The following PLEKHA5 variants were observed in gnomAD, a reference collection of about 807,000 sequenced individuals.
PLEKHA5 encodes the protein pleckstrin homology domain-containing family A member 5.
Under a neutral mutation model 181.9 loss-of-function variants are expected in PLEKHA5, and 55 were observed. That is an observed-to-expected ratio of 0.30 (90% CI 0.24 to 0.38). PLEKHA5 has a LOEUF of 0.38. Ranked by LOEUF, PLEKHA5 falls within the 10% of genes least tolerant of loss-of-function variation. The pLI, the probability that PLEKHA5 is intolerant of heterozygous loss-of-function variation, is 1.00. For missense variants in PLEKHA5, 1,432 were observed against 1,549.5 expected (o/e 0.92, Z 1.27); for synonymous variants, 535 against 529.4 (o/e 1.01, Z -0.15).
chr12:19,215,701 A>T (rs1002791424), intron 3 of PLEKHA5, among the ~76,000 whole-genome samples: 1 of 152,224 alleles, frequency 6.6e-6, no homozygotes, highest in Non-Finnish European at 1.5e-5. Flanking sequence ...GCAAGTTTAA[A>T]AAAATTGTTC....
chr12:19,207,928 T>C (rs988499922), intron 3 of PLEKHA5, among the ~76,000 whole-genome samples: 2 of 152,186 alleles, frequency 1.3e-5, no homozygotes, highest in Admixed American at 1.3e-4. Context: ...TAAGTTAAAA[T>C]GGCATTTTTG....
At chr12:19,317,893 T>TACTTCGAATGA (rs1477927444) in intron 16 of PLEKHA5, among the ~76,000 whole-genome samples, 2 of 150,824 alleles carry the variant, frequency 1.3e-5, no homozygotes, top group Admixed American at 6.6e-5. Context: ...GTTGCTAAGG[T>TACTTCGAATGA]ACTTCGAATG....
chr12:19,315,662 G>A (rs373624763), intron 16 of PLEKHA5, among the ~76,000 whole-genome samples: 2 of 152,054 alleles, frequency 1.3e-5, no homozygotes, highest in South Asian at 2.1e-4. Flanking sequence ...AATTACTCTG[G>A]CGTATGACCT....
At chr12:19,185,717 C>T (rs2049690303) in intron 3 of PLEKHA5, among the ~76,000 whole-genome samples, 1 of 152,058 alleles carries the variant, frequency 6.6e-6, no homozygotes, top group Non-Finnish European at 1.5e-5. Flanking sequence ...TGAAGAATGC[C>T]TGTGTACTTA....
chr12:19,204,843 GT>G (rs2055041675), intron 3 of PLEKHA5, among the ~76,000 whole-genome samples: 1 of 152,074 alleles, frequency 6.6e-6, no homozygotes, highest in Non-Finnish European at 1.5e-5. Flanking sequence ...TTTTCAGATT[GT>G]TTTACTTGGT....
chr12:19,227,287 T>TA (rs1491298396), intron 3 of PLEKHA5, among the ~76,000 whole-genome samples: 1 of 125,156 alleles, frequency 8.0e-6, no homozygotes, highest in Non-Finnish European at 1.7e-5. Flanking sequence ...TAGTGATTTC[T>TA]TTTTTTTTTT....
intron 21 of PLEKHA5, among the ~76,000 whole-genome samples, chr12:19,338,507 T>A (rs1484308588): frequency 6.6e-6 from 1 of 151,882 alleles, no homozygotes; most frequent in Non-Finnish European, 1.5e-5. Flanking sequence ...CTTGGAAGGC[T>A]GAGGCAGGAG....
chr12:19,229,999 T>G (rs2060247009), intron 3 of PLEKHA5, among the ~76,000 whole-genome samples: 1 of 152,124 alleles, frequency 6.6e-6, no homozygotes, highest in Non-Finnish European at 1.5e-5. Context: ...GTATTTACAA[T>G]CCCTTAGGTA....
chr12:19,288,096 A>G (rs1439215077), intron 13 of PLEKHA5: 24 of 333,270 alleles, frequency 7.2e-5, no homozygotes, highest in South Asian at 8.1e-5. Context: ...AAAAAAAAAA[A>G]AGAAACTTTA....
intron 3 of PLEKHA5, among the ~76,000 whole-genome samples, chr12:19,205,054 A>T (rs1343744790): frequency 6.6e-6 from 1 of 152,136 alleles, no homozygotes; most frequent in Non-Finnish European, 1.5e-5. Context: ...GTTATTTAAT[A>T]AACTTGTAGA....
intron 20 of PLEKHA5, among the ~76,000 whole-genome samples, chr12:19,329,501 C>T (rs565998597): frequency 6.6e-6 from 1 of 152,156 alleles, no homozygotes; most frequent in South Asian, 2.1e-4. Flanking sequence ...ATTACAGATT[C>T]AATTTCAGAA....
chr12:19,320,287 A>AT (rs2090301405), intron 17 of PLEKHA5, among the ~76,000 whole-genome samples: 1 of 152,054 alleles, frequency 6.6e-6, no homozygotes, highest in Non-Finnish European at 1.5e-5. Flanking sequence ...GAAATGATGT[A>AT]AGATACTGTA....
chr12:19,140,373 G>C (rs1320132916), intron 3 of PLEKHA5, among the ~76,000 whole-genome samples: 1 of 152,176 alleles, frequency 6.6e-6, no homozygotes, highest in Non-Finnish European at 1.5e-5. Flanking sequence ...ACTGAAATCA[G>C]TGGGTCCAGT....
intron 18 of PLEKHA5, among the ~76,000 whole-genome samples, chr12:19,321,142 G>A (rs1323707408): frequency 6.6e-6 from 1 of 151,408 alleles, no homozygotes; most frequent in African/African-American, 2.4e-5. Context: ...CTCTAGCCTG[G>A]GTTATGGCGT....
In PLEKHA5 at chr12:19,345,844, A is replaced by T. The variant is rs138400662; in HGVS notation, c.2665A>T (p.Met889Leu). 3 of 1,418,198 alleles carry T rather than the reference A, an allele frequency of 2.1e-6. No homozygotes were observed. Among genetic ancestry groups the T allele is most frequent in the African/African-American group, 2.8e-5 (2 of 70,496 alleles). The allele number at this position is 1,418,198 out of a possible 1,614,324, so 87.9% of individuals were successfully genotyped here. ...KQQRGTTEIG[M>L]IGSKPFSTVK... ...GTTACGTTTTCTAATATTCCCAGGT[A>T]TGATAGGATCAAAGCCTTTCTCAAC... The change falls in exon 23 of 32, where the codon ATG becomes TTG. Residue 889 changes from methionine (M) to leucine (L), a missense_variant and splice_region_variant. Met to Leu is a conservative substitution (Grantham distance 15). This residue lies in a region of PLEKHA5 where 1,143 missense variants were observed against 1,168.4 expected (regional missense o/e 0.98). Coordinates refer to ENST00000429027, the MANE Select transcript of PLEKHA5 (RefSeq NM_001256470.2).
At chr12:19,238,495 A>T (rs2061793956) in intron 3 of PLEKHA5, among the ~76,000 whole-genome samples, 1 of 152,098 alleles carries the variant, frequency 6.6e-6, no homozygotes, top group African/African-American at 2.4e-5. Flanking sequence ...TTTTTCCTTA[A>T]GTTGCAGAAT....
At chr12:19,179,479 C>T (rs754588039) in intron 3 of PLEKHA5, among the ~76,000 whole-genome samples, 2 of 152,056 alleles carry the variant, frequency 1.3e-5, no homozygotes, top group East Asian at 1.9e-4. Flanking sequence ...CAACATGGAG[C>T]GAAAGCCCGT....
chr12:19,350,760 C>CAA (rs375117198), intron 25 of PLEKHA5, among the ~76,000 whole-genome samples: 9 of 149,378 alleles, frequency 6.0e-5, no homozygotes, highest in Non-Finnish European at 1.3e-4. Context: ...GACTCCATCT[C>CAA]AAAAAAAAAC....
intron 11 of PLEKHA5, among the ~76,000 whole-genome samples, chr12:19,281,856 G>A (rs910593439): frequency 2.6e-5 from 4 of 151,952 alleles, no homozygotes; most frequent in South Asian, 2.1e-4. Context: ...ATCTTGTCTC[G>A]CTGCAAGCTC....
Sources: allele counts gnomAD v4.1 joint callset (sites outside exome capture counted in the v4.1 genomes callset), GRCh38; gene constraint gnomAD v4.1.1; regional missense constraint gnomAD v4.1.1; transcripts MANE v1.5; gene names NCBI Gene and HGNC (gene_info 2026-07-23, HGNC 2026-07-21).